The following SLC30A8 variants were observed in gnomAD, a reference collection of about 807,000 sequenced individuals.
SLC30A8 encodes the protein solute carrier family 30 member 8, also known as proton-coupled zinc antiporter SLC30A8.
Under a neutral mutation model 36.9 loss-of-function variants are expected in SLC30A8, and 27 were observed. The observed-to-expected ratio is 0.73, with a 90% CI of 0.54 to 1.01. SLC30A8 has a LOEUF of 1.01. Among genes scored for constraint, SLC30A8 ranks in the 50% least tolerant of loss-of-function variants. The pLI, the probability that SLC30A8 is intolerant of heterozygous loss-of-function variation, is 0.00. For synonymous variants in SLC30A8, 164 were observed against 172.4 expected (o/e 0.95, Z 0.38); for missense variants, 439 against 452.0 (o/e 0.97, Z 0.26).
At chr8:116,982,716 C>T (rs896099124) in intron 1 of SLC30A8, among the ~76,000 whole-genome samples, 4 of 152,102 alleles carry the variant, frequency 2.6e-5, no homozygotes, top group African/African-American at 4.8e-5. Context: ...GAATCTGCTG[C>T]ACAAATAATC....
intron 2 of SLC30A8, among the ~76,000 whole-genome samples, chr8:117,045,597 A>G (rs555294433): frequency 1.3e-5 from 2 of 152,294 alleles, no homozygotes; most frequent in Non-Finnish European, 2.9e-5. Flanking sequence ...TACTGAACAG[A>G]GGCCACGGGC....
At chr8:117,126,701 T>G (rs1434814545) in intron 2 of SLC30A8, among the ~76,000 whole-genome samples, 1 of 152,038 alleles carries the variant, frequency 6.6e-6, no homozygotes, top group Non-Finnish European at 1.5e-5. Context: ...CACTAACAGC[T>G]TATATTCTCA....
At chr8:116,981,624 G>A (rs1374659797) in intron 1 of SLC30A8, among the ~76,000 whole-genome samples, 1 of 152,142 alleles carries the variant, frequency 6.6e-6, no homozygotes, top group Non-Finnish European at 1.5e-5. Context: ...GTATGCATAT[G>A]TACTAAATGT....
At chr8:116,993,889 T>C (rs377623777) in intron 1 of SLC30A8, among the ~76,000 whole-genome samples, 1 of 151,938 alleles carries the variant, frequency 6.6e-6, no homozygotes, top group Non-Finnish European at 1.5e-5. Flanking sequence ...TAAAAAGTTA[T>C]ACCAATACAT....
At chr8:117,111,246 A>T (rs1820214202) in intron 2 of SLC30A8, among the ~76,000 whole-genome samples, 1 of 152,192 alleles carries the variant, frequency 6.6e-6, no homozygotes, top group Non-Finnish European at 1.5e-5. Flanking sequence ...TGTTCCCAAG[A>T]CAGGATCCAG....
At position 117,160,820 on chromosome 8, in the gene SLC30A8, T is replaced by C. The variant is rs1822754044; in HGVS notation, c.573-918T>C. ...TAGATGGCTAGCGGTCATTCCACTT[T>C]GTGGTGATGACCTGAGATTTAACAG... On this transcript the variant is annotated intron_variant, in intron 4 of 7. Transcript: ENST00000456015. Among the ~76,000 whole-genome samples, 3 of 152,226 alleles carry C rather than the reference T, an allele frequency of 2.0e-5. No homozygotes were observed. In the South Asian group the frequency reaches 6.2e-4, roughly 32 times the overall value.
intron 2 of SLC30A8, among the ~76,000 whole-genome samples, chr8:117,048,874 C>A (rs377555758): frequency 6.6e-6 from 1 of 152,092 alleles, no homozygotes; most frequent in East Asian, 1.9e-4. Context: ...AATCTCAATT[C>A]CATTTCTTTT....
intron 2 of SLC30A8, among the ~76,000 whole-genome samples, chr8:117,150,349 A>G (rs935507076): frequency 1.3e-5 from 2 of 152,200 alleles, no homozygotes; most frequent in Non-Finnish European, 2.9e-5. Context: ...GGAAACCCGC[A>G]TGGGGAATTA....
In SLC30A8 at chr8:117,109,559, A is replaced by C. The variant is rs143839655; in HGVS notation, c.-225-25721A>C. Reference sequence around the variant, plus strand: ...CAATAGGAAAAAAACAAGAGAAGGAACTAATCAGATTTTATAAATTCCTAA... The same window carrying C: ...CAATAGGAAAAAAACAAGAGAAGGACCTAATCAGATTTTATAAATTCCTAA... On this transcript the variant is annotated intron_variant, in intron 2 of 10. Transcript: ENST00000427715. 4.2e-3 allele frequency among the ~76,000 whole-genome samples: 634 copies of C among 151,984 alleles called. 7 individuals are homozygous for C. The highest frequency in any genetic ancestry group is 0.015 in the African/African-American group (607 of 41,412).
intron 1 of SLC30A8, among the ~76,000 whole-genome samples, chr8:116,968,389 A>G (rs1440184467): frequency 6.7e-6 from 1 of 150,330 alleles, no homozygotes; most frequent in Non-Finnish European, 1.5e-5. Flanking sequence ...ATAGTATACT[A>G]TATTAATAAG....
At chr8:117,077,875 G>A (rs928521580) in intron 2 of SLC30A8, among the ~76,000 whole-genome samples, 2 of 152,180 alleles carry the variant, frequency 1.3e-5, no homozygotes, top group Non-Finnish European at 2.9e-5. Flanking sequence ...AAGACCTAAA[G>A]TAAACTTGGT....
chr8:117,054,233 G>T (rs1366123770), intron 2 of SLC30A8, among the ~76,000 whole-genome samples: 2 of 151,764 alleles, frequency 1.3e-5, no homozygotes, highest in Non-Finnish European at 2.9e-5. Context: ...TGAGTAGCTG[G>T]GACGACAGGC....
chr8:117,093,861 A>AAAGT (rs1199056463), intron 2 of SLC30A8, among the ~76,000 whole-genome samples: 3 of 152,192 alleles, frequency 2.0e-5, no homozygotes, highest in African/African-American at 7.2e-5. Context: ...AACCAGGTGC[A>AAAGT]AAGTGGCAAG....
intron 1 of SLC30A8, among the ~76,000 whole-genome samples, chr8:116,991,495 G>A (rs1815643833): frequency 6.6e-6 from 1 of 151,992 alleles, no homozygotes; most frequent in Admixed American, 6.6e-5. Flanking sequence ...AGTAGAGACG[G>A]GGTTTCACCA....
At chr8:117,061,656 C>A (rs546738491) in intron 2 of SLC30A8, among the ~76,000 whole-genome samples, 1 of 152,152 alleles carries the variant, frequency 6.6e-6, no homozygotes, top group African/African-American at 2.4e-5. Flanking sequence ...TCCTTTATTA[C>A]TTATAAGCCA....
At chr8:117,042,804 T>A (rs1817426642) in intron 2 of SLC30A8, among the ~76,000 whole-genome samples, 1 of 152,048 alleles carries the variant, frequency 6.6e-6, no homozygotes, top group African/African-American at 2.4e-5. Flanking sequence ...GCCTCCCGAG[T>A]AGCTGGGATT....
At chr8:117,026,298 A>T (rs1316250673) in intron 1 of SLC30A8, among the ~76,000 whole-genome samples, 1 of 152,198 alleles carries the variant, frequency 6.6e-6, no homozygotes, top group Non-Finnish European at 1.5e-5. Flanking sequence ...TGACAGATAA[A>T]GATAAGTCAA....
intron 2 of SLC30A8, among the ~76,000 whole-genome samples, chr8:117,040,192 T>C (rs1817339215): frequency 6.6e-6 from 1 of 152,240 alleles, no homozygotes; most frequent in African/African-American, 2.4e-5. Flanking sequence ...AGCTCTTAGA[T>C]ATCTTCTCAT....
chr8:116,988,181 G>C (rs1397541206), intron 1 of SLC30A8, among the ~76,000 whole-genome samples: 1 of 152,196 alleles, frequency 6.6e-6, no homozygotes, highest in African/African-American at 2.4e-5. Context: ...CAGAGGGGAT[G>C]ATGGGTGATC....
Sources: gnomAD v4.1 joint callset for allele counts (sites outside exome capture counted in the v4.1 genomes callset) on GRCh38, gnomAD v4.1.1 for gene constraint, MANE v1.5 for transcripts, NCBI Gene and HGNC (gene_info 2026-07-23, HGNC 2026-07-21) for gene names.